USP14: variants seen among roughly 807,000 people sequenced by gnomAD.
The protein encoded by USP14 is ubiquitin carboxyl-terminal hydrolase 14.
A neutral mutation model predicts 76.5 loss-of-function variants in USP14; 38 were observed. The observed-to-expected ratio is 0.50, with a 90% confidence interval of 0.38 to 0.65. USP14 has a LOEUF of 0.65. Ranked by LOEUF, USP14 falls within the 30% of genes least tolerant of loss-of-function variation. The pLI is 0.00. For synonymous variants in USP14, 192 were observed against 191.7 expected, an observed-to-expected ratio of 1.00 and a Z score of -0.01; for missense variants, 467 against 586.5, an observed-to-expected ratio of 0.80 and a Z score of 2.10.
At chr18:190,260 A>G (rs780771886) in intron 5 of USP14, among the ~76,000 whole-genome samples, 1 of 152,186 alleles carries the variant, frequency 6.6e-6, no homozygotes, top group Non-Finnish European at 1.5e-5. Flanking sequence ...ATTCTAGTAC[A>G]TTTTTGGGCA....
At chr18:180,122 A>C (rs1452096917) in intron 4 of USP14, 114 bp from the exon 5 acceptor site, 1 of 530,380 alleles carries the variant, frequency 1.9e-6, no homozygotes, top group African/African-American at 2.0e-5. Flanking sequence ...AATTGGTAGA[A>C]GCTAGTAAAT....
At chr18:181,304 T>C (rs1909783576) in intron 5 of USP14, among the ~76,000 whole-genome samples, 1 of 152,198 alleles carries the variant, frequency 6.6e-6, no homozygotes. Flanking sequence ...GACGGTACCA[T>C]TTTACATTCT....
Position 196,727 on chromosome 18 carries a change from A to G in USP14, c.554A>G (p.Gln185Arg), listed in dbSNP as rs1288568072. 2.5e-6 allele frequency: 4 copies of G among 1,614,084 alleles called. No individual in the cohort carries two copies. In the South Asian group the frequency reaches 4.4e-5, roughly 18 times the overall value. Residue 185 changes from glutamine to arginine, a missense_variant, in exon 7 of 16, where the codon CAG becomes CGG. By Grantham distance (43) the Gln-to-Arg change is conservative. Transcript: ENST00000261601. ...CAGTTTTTGCACATGGCTTTCCCAC[A>G]GTTTGCCGAGAAAGGTGAACAAGGA... ...LLQFLHMAFP[Q>R]FAEKGEQGQY...
intron 5 of USP14, among the ~76,000 whole-genome samples, chr18:181,409 A>AT (rs1450001091): frequency 2.0e-5 from 3 of 151,818 alleles, no homozygotes; most frequent in South Asian, 4.2e-4. Context: ...TGTCATGCAC[A>AT]TTTTTTTTAG....
At chr18:179,782 G>A (rs934578067) in intron 4 of USP14, among the ~76,000 whole-genome samples, 1 of 122,842 alleles carries the variant, frequency 8.1e-6, no homozygotes, top group Non-Finnish European at 1.7e-5. Flanking sequence ...TTTTTTTTTT[G>A]TAGAGATGGG....
Position 199,255 on chromosome 18 carries a change from A to T in USP14, c.815A>T (p.Gln272Leu). 1 of 1,614,044 alleles carries T rather than the reference A, an allele frequency of 6.2e-7. No homozygotes were observed. The highest frequency in any genetic ancestry group is 8.5e-7 in the Non-Finnish European group (1 of 1,179,940). ...GAAGTCACCAAAGGAAAGGAAAATC[A>T]ACTTCAGCTTAGCTGTTTTATCAAT... Reference protein sequence around the residue: ...EEEVTKGKENQLQLSCFINQE... With the variant: ...EEEVTKGKENLLQLSCFINQE... Residue 272 changes from glutamine to leucine, a missense_variant, in exon 10 of 16, where the codon CAA becomes CTA. Transcript: ENST00000261601.
chr18:159,469 C>G (rs1258951365), intron 1 of USP14, among the ~76,000 whole-genome samples: 1 of 152,156 alleles, frequency 6.6e-6, no homozygotes, highest in Non-Finnish European at 1.5e-5. Flanking sequence ...GCTCCCTAGC[C>G]TTATTCAAAA....
At chr18:178,834 TTA>T in intron 3 of USP14, 97 bp from the exon 4 acceptor site, 1 of 827,278 alleles carries the variant, frequency 1.2e-6, no homozygotes, top group Non-Finnish European at 1.9e-6. Flanking sequence ...GCAAATAGAA[TTA>T]TGTTATATGT....
chr18:204,556 G>T lies in USP14; in HGVS notation c.1036-8G>T, dbSNP rs1424038207. 12 of 1,583,198 alleles carry T rather than the reference G, an allele frequency of 7.6e-6. No homozygotes were observed. Among genetic ancestry groups the T allele is most frequent in the Admixed American group, 7.5e-5 (4 of 53,392 alleles). ...GTTTACACATGTTTTTTGTTTGTTT[G>T]TATATAGGATGTTAAATTTCCTCTT... On this transcript the variant is annotated splice_region_variant and splice_polypyrimidine_tract_variant and intron_variant, in intron 12 of 15. Transcript: ENST00000261601.
In USP14 at chr18:162,082, T is replaced by C. The variant is rs141924448; in HGVS notation, c.17-1226T>C. Among the ~76,000 whole-genome samples the C allele has an allele frequency of 4.5e-3, 684 of 152,338 alleles. 5 individuals are homozygous for C. Among genetic ancestry groups the C allele is most frequent in the African/African-American group, 0.015 (632 of 41,574 alleles). ...GCATGTATAAGAGTTTCTTTCCTTT[T>C]TAAGGTTGAATAATATTCCGTTGTA... On this transcript the variant is annotated intron_variant, in intron 1 of 15. Coordinates refer to ENST00000261601, the MANE Select transcript of USP14 (RefSeq NM_005151.4).
intron 6 of USP14, among the ~76,000 whole-genome samples, chr18:195,959 TAA>T (rs1910218751): frequency 6.6e-6 from 1 of 152,132 alleles, no homozygotes; most frequent in Non-Finnish European, 1.5e-5. Context: ...TCTGGTGAGT[TAA>T]GATTTAAAAA....
At chr18:189,930 A>G (rs1417341142) in intron 5 of USP14, among the ~76,000 whole-genome samples, 1 of 152,216 alleles carries the variant, frequency 6.6e-6, no homozygotes, top group African/African-American at 2.4e-5. Context: ...ACAGATCTTA[A>G]TCACTAACAC....
chr18:213,462 G>A lies in USP14; in HGVS notation c.*2178G>A, dbSNP rs1031418338. 2.6e-5 allele frequency: 4 copies of A among 152,232 alleles called. No homozygotes were observed. Among genetic ancestry groups the A allele is most frequent in the African/African-American group, 7.3e-5 (3 of 41,312 alleles). 9.4% of individuals were successfully genotyped at this position (152,232 alleles called of 1,614,324 possible). On this transcript the variant is annotated 3_prime_UTR_variant, in exon 16 of 16. Coordinates refer to ENST00000261601, the MANE Select transcript of USP14 (RefSeq NM_005151.4). ...ACCAGTGTTGTTTTTAACTAATAAG[G>A]CTATTTTAGAATTCAGCCTTGCCTG...
At chr18:172,820 T>G (rs543774922) in intron 3 of USP14, among the ~76,000 whole-genome samples, 7 of 152,346 alleles carry the variant, frequency 4.6e-5, no homozygotes, top group African/African-American at 1.7e-4. Context: ...GATGTTTGTA[T>G]GCACTGGGGG....
Position 213,288 on chromosome 18 carries a change from A to AAAG in USP14, c.*2005_*2007dup, listed in dbSNP as rs1423606114. On this transcript the variant is annotated 3_prime_UTR_variant, in exon 16 of 16. Coordinates refer to ENST00000261601, the MANE Select transcript of USP14 (RefSeq NM_005151.4). ...AGACCAGGTGAGCTAGGTTTAGAGC[A>AAAG]AAGTATATAAGCCTTGTATGGACTA... is the stretch of plus-strand genomic sequence containing the variant. The AAAG allele has an allele frequency of 1.3e-5, 2 of 152,224 alleles. No homozygotes were observed. Among genetic ancestry groups the AAAG allele is most frequent in the Non-Finnish European group, 2.9e-5 (2 of 68,042 alleles). The allele number at this position is 152,224 out of a possible 1,614,324, so 9.4% of individuals were successfully genotyped here.
intron 8 of USP14, 63 bp from the exon 9 acceptor site, chr18:197,982 TTG>T: frequency 7.2e-7 from 1 of 1,383,914 alleles, no homozygotes. Flanking sequence ...CTAAACTGGA[TTG>T]TGTGGAAGAA....
chr18:172,432 T>C (rs1282177864), intron 3 of USP14, among the ~76,000 whole-genome samples: 1 of 152,164 alleles, frequency 6.6e-6, no homozygotes, highest in African/African-American at 2.4e-5. Flanking sequence ...AAATATTACG[T>C]AGGCTTACTT....
At position 214,000 on chromosome 18, in the gene USP14, T is replaced by TTAGATAGATA. The variant is rs59833745; in HGVS notation, c.*2716_*2717insTAGATAGATA. On this transcript the variant is annotated 3_prime_UTR_variant, in exon 16 of 16. Transcript: ENST00000261601. ...TTAGATAGATAGATAGATAGATAGA[T>TTAGATAGATA]GATGATTGATTGATGATTGATAGTA... 1.3e-4 allele frequency: 20 copies of TTAGATAGATA among 149,344 alleles called. No homozygotes were observed. The highest frequency in any genetic ancestry group is 9.7e-4 in the East Asian group (5 of 5,146). The allele number at this position is 149,344 out of a possible 1,614,324, so 9.3% of individuals were successfully genotyped here.
Position 180,267 on chromosome 18 carries a change from G to A in USP14, c.332G>A (p.Gly111Asp). Residue 111 changes from glycine to aspartate, a missense_variant, in exon 5 of 16, where the codon GGT becomes GAT. Coordinates refer to ENST00000261601, the MANE Select transcript of USP14 (RefSeq NM_005151.4). Reference protein sequence around the residue: ...MELPCGLTNLGNTCYMNATVQ... With the variant: ...MELPCGLTNLDNTCYMNATVQ... Reference sequence around the variant, plus strand: ...TTACCATGTGGATTGACAAACCTTGGTAACACTTGTTACATGAATGCCACA... The same window carrying A: ...TTACCATGTGGATTGACAAACCTTGATAACACTTGTTACATGAATGCCACA... 6.4e-7 allele frequency: 1 copy of A among 1,563,026 alleles called. No individual in the cohort carries two copies. The highest frequency in any genetic ancestry group is 2.4e-5 in the East Asian group (1 of 42,124).
Sources: allele counts gnomAD v4.1 joint callset (sites outside exome capture counted in the v4.1 genomes callset), GRCh38; gene constraint gnomAD v4.1.1; transcripts MANE v1.5; gene names NCBI Gene and HGNC (gene_info 2026-07-23, HGNC 2026-07-21).